The following ATP2C1 variants were observed in gnomAD, a reference collection of about 807,000 sequenced individuals.
ATP2C1 encodes the protein calcium-transporting ATPase type 2C member 1.
Under a neutral mutation model 120.5 loss-of-function variants are expected in ATP2C1, and 31 were observed. The observed-to-expected ratio is 0.26, with a 90% CI of 0.19 to 0.35. The LOEUF (loss-of-function observed/expected upper bound fraction) is 0.35. ATP2C1 is among the 10% of genes least tolerant of loss of function. The pLI, the probability that ATP2C1 is intolerant of heterozygous loss-of-function variation, is 1.00. For missense variants in ATP2C1, 731 were observed against 1,107.5 expected, an observed-to-expected ratio of 0.66 and a Z score of 4.83; for synonymous variants, 351 against 358.7, an observed-to-expected ratio of 0.98 and a Z score of 0.24.
intron 1 of ATP2C1, chr3:130,856,104 A>G (rs1312950493): frequency 6.6e-6 from 1 of 151,928 alleles, no homozygotes; most frequent in East Asian, 1.9e-4. Context: ...TACTGTAGCT[A>G]CATTTTAATT....
intron 1 of ATP2C1, among the ~76,000 whole-genome samples, chr3:130,857,005 A>G (rs2067863329): frequency 6.6e-6 from 1 of 152,236 alleles, no homozygotes; most frequent in Non-Finnish European, 1.5e-5. Context: ...CAGAGAGTCT[A>G]TGCCACTCCT....
chr3:131,001,672 A>G lies in ATP2C1; in HGVS notation c.*322A>G, dbSNP rs2062891431. ...AGAAGTCTAACAGTACAAATACACT[A>G]TCTATCTTAGATAGATATATTTTTT... On this transcript the variant is annotated 3_prime_UTR_variant, in exon 28 of 28. Coordinates refer to ENST00000510168, the MANE Select transcript of ATP2C1 (RefSeq NM_001378687.1). 2.9e-6 allele frequency: 3 copies of G among 1,029,000 alleles called. No individual in the cohort carries two copies. Among genetic ancestry groups the G allele is most frequent in the East Asian group, 8.8e-5 (1 of 11,360 alleles). The allele number at this position is 1,029,000 out of a possible 1,614,324, so 63.7% of individuals were successfully genotyped here.
At chr3:131,003,523 T>G (rs1192720774), downstream of ATP2C1, among the ~76,000 whole-genome samples, 12 of 152,178 alleles carry the variant, frequency 7.9e-5, no homozygotes, top group Admixed American at 3.9e-4. Context: ...TTAAAATAAT[T>G]CACTGATTAG....
intron 8 of ATP2C1, among the ~76,000 whole-genome samples, chr3:130,949,862 C>G (rs528335976): frequency 1.1e-4 from 17 of 152,154 alleles, no homozygotes; most frequent in African/African-American, 3.6e-4. Flanking sequence ...GAAATTTTAT[C>G]ATGATCAGGC....
chr3:130,863,989 G>A (rs56882460), intron 1 of ATP2C1, among the ~76,000 whole-genome samples: 6,784 of 152,202 alleles, frequency 0.045, 502 homozygotes, highest in African/African-American at 0.15. Flanking sequence ...AAAGATACCC[G>A]AAAATGTGGA....
At position 130,996,892 on chromosome 3, in the gene ATP2C1, A is replaced by G. The variant is rs181300016; in HGVS notation, c.2243+96A>G. 20 of 873,428 alleles carry G rather than the reference A, an allele frequency of 2.3e-5. No homozygotes were observed. The Admixed American group carries it at 2.5e-4, about 11-fold the overall frequency. The allele number at this position is 873,428 out of a possible 1,614,324, so 54.1% of individuals were successfully genotyped here. A position where few individuals can be genotyped will look rare whatever the true frequency, so the allele number is the denominator to read the frequency against. ...ACTTGATTTATGGACAGTGTTGGAA[A>G]ACTTTGCAGCAAATGTTTTAACATT... On this transcript the variant is annotated intron_variant, in intron 24 of 27. Transcript: ENST00000510168.
chr3:130,898,901 C>T (rs1328133096), intron 2 of ATP2C1, among the ~76,000 whole-genome samples: 1 of 152,094 alleles, frequency 6.6e-6, no homozygotes, highest in Non-Finnish European at 1.5e-5. Flanking sequence ...TAAATTACAC[C>T]GTTGTTACAT....
intron 20 of ATP2C1, among the ~76,000 whole-genome samples, chr3:130,988,953 A>G (rs2062158896): frequency 6.6e-6 from 1 of 152,142 alleles, no homozygotes; most frequent in African/African-American, 2.4e-5. Flanking sequence ...AAATTCTTTT[A>G]ACTTAATAAA....
chr3:130,939,349 A>G (rs1474058687), intron 6 of ATP2C1, among the ~76,000 whole-genome samples: 1 of 152,126 alleles, frequency 6.6e-6, no homozygotes, highest in African/African-American at 2.4e-5. Flanking sequence ...TGTCTTTGCA[A>G]TCCCCATTCC....
At chr3:130,854,123 A>G (rs2067762752) in intron 1 of ATP2C1, 1 of 152,334 alleles carries the variant, frequency 6.6e-6, no homozygotes, top group African/African-American at 2.4e-5. Context: ...TGATACAGCC[A>G]TCAATAGGTT....
chr3:130,998,245 C>G, intron 25 of ATP2C1, 49 bp from the exon 26 acceptor site: 1 of 1,187,232 alleles, frequency 8.4e-7, no homozygotes, highest in South Asian at 1.2e-5. Flanking sequence ...AGCGATTTAT[C>G]CATTAAATTC....
intron 12 of ATP2C1, among the ~76,000 whole-genome samples, chr3:130,960,779 A>G (rs989976929): frequency 6.6e-6 from 1 of 152,160 alleles, no homozygotes. Context: ...GATTGGTCCA[A>G]TTAGTGACAA....
Position 131,001,981 on chromosome 3 carries a change from T to A in ATP2C1, c.*631T>A. On this transcript the variant is annotated 3_prime_UTR_variant, in exon 28 of 28. Coordinates refer to ENST00000510168, the MANE Select transcript of ATP2C1 (RefSeq NM_001378687.1). The stretch of plus-strand genomic sequence containing the variant: ...CCTATACTACAATTTGAAGTAAATT[T>A]TTGTTTTTCTTAGTAAGTGTAAATG... The A allele has an allele frequency of 1.0e-6, 1 of 982,948 alleles. No homozygotes were observed. The highest frequency in any genetic ancestry group is 1.1e-4 in the East Asian group (1 of 8,804). The allele number at this position is 982,948 out of a possible 1,614,324, so 60.9% of individuals were successfully genotyped here.
At chr3:130,904,311 A>T (rs2058025731) in intron 2 of ATP2C1, among the ~76,000 whole-genome samples, 1 of 151,934 alleles carries the variant, frequency 6.6e-6, no homozygotes, top group Admixed American at 6.6e-5. Context: ...AGTTATCATC[A>T]TGTTAGTCTC....
downstream of ATP2C1, among the ~76,000 whole-genome samples, chr3:131,004,426 G>A (rs1242543513): frequency 6.6e-6 from 1 of 152,218 alleles, no homozygotes; most frequent in East Asian, 1.9e-4. Context: ...TGGTTGTCAA[G>A]AGTTGGTTAT....
chr3:130,882,195 A>G (rs2068805901), intron 1 of ATP2C1, among the ~76,000 whole-genome samples: 1 of 151,446 alleles, frequency 6.6e-6, no homozygotes, highest in African/African-American at 2.4e-5. Flanking sequence ...TGTCTGTCAT[A>G]TACTTTTTTC....
At chr3:130,968,967 G>C (rs1164514597) in intron 16 of ATP2C1, among the ~76,000 whole-genome samples, 1 of 152,040 alleles carries the variant, frequency 6.6e-6, no homozygotes, top group Non-Finnish European at 1.5e-5. Context: ...GCTCAGAATT[G>C]GTTGGGTACT....
At chr3:130,950,876 TAA>T (rs34848553) in intron 8 of ATP2C1, among the ~76,000 whole-genome samples, 6 of 150,492 alleles carry the variant, frequency 4.0e-5, no homozygotes, top group Non-Finnish European at 5.9e-5. Context: ...AACAACAGAT[TAA>T]AAAAAAAAAT....
At chr3:130,975,196 C>A in intron 17 of ATP2C1, 136 bp from the exon 18 acceptor site, 2 of 794,700 alleles carry the variant, frequency 2.5e-6, no homozygotes, top group Non-Finnish European at 4.4e-6. Flanking sequence ...CTTCAGAGTT[C>A]AGGTGGCAGT....
Sources: allele counts gnomAD v4.1 joint callset (sites outside exome capture counted in the v4.1 genomes callset), GRCh38; gene constraint gnomAD v4.1.1; transcripts MANE v1.5; gene names NCBI Gene and HGNC (gene_info 2026-07-23, HGNC 2026-07-21).